The following LY96 variants were observed in gnomAD, a reference collection of about 807,000 sequenced individuals.
LY96 encodes the protein myeloid differentiation protein-2.
LY96 carries 18 observed loss-of-function variants against 18.9 expected under a neutral mutation model. The observed-to-expected ratio is 0.95, with a 90% confidence interval of 0.66 to 1.41. The LOEUF (loss-of-function observed/expected upper bound fraction) is 1.41. Ranked by LOEUF, LY96 falls within the 40% of genes most tolerant of loss-of-function variation. The probability of loss-of-function intolerance (pLI) is 0.00; values close to 1 mark genes in which losing one functional copy is unlikely to be tolerated. For missense variants in LY96, 175 were observed against 182.4 expected, an observed-to-expected ratio of 0.96 and a Z score of 0.23; for synonymous variants, 66 against 62.6, an observed-to-expected ratio of 1.06 and a Z score of -0.26.
chr8:74,032,228 T>G (rs779328243), downstream of LY96, among the ~76,000 whole-genome samples: 2 of 152,234 alleles, frequency 1.3e-5, no homozygotes, highest in African/African-American at 4.8e-5. Context: ...TTTTGTAGAT[T>G]GGTATCATCA....
rs369815557 is a variant in LY96, at chr8:74,001,886, GTATTTCCAT to G, written c.113-2899_113-2891del. 3.6e-3 allele frequency among the ~76,000 whole-genome samples: 553 copies of G among 151,926 alleles called. 3 individuals carry two copies. Among genetic ancestry groups the G allele is most frequent in the African/African-American group, 0.012 (496 of 41,388 alleles). ...CTATTTCATTGGGCTTCTTGGATTT[GTATTTCCAT>G]TATTTCCATTTTCTTCCCTAGATTT... is the stretch of plus-strand genomic sequence containing the variant. On this transcript the variant is annotated intron_variant, in intron 1 of 4. Transcript: ENST00000284818.
At chr8:74,070,721 A>G in the LY96 span, among the ~76,000 whole-genome samples, 1 of 151,722 alleles carries the variant, frequency 6.6e-6, no homozygotes, top group Non-Finnish European at 1.5e-5. Flanking sequence ...CAGTTCTCCA[A>G]TGAGCCTTGC....
At chr8:74,057,064 G>T in the LY96 span, among the ~76,000 whole-genome samples, 2 of 152,154 alleles carry the variant, frequency 1.3e-5, no homozygotes, top group African/African-American at 4.8e-5. Flanking sequence ...AACAAAAATG[G>T]CAGGGATCAA....
At chr8:74,059,860 G>C in the LY96 span, among the ~76,000 whole-genome samples, 1 of 152,238 alleles carries the variant, frequency 6.6e-6, no homozygotes, top group African/African-American at 2.4e-5. Context: ...AACTTTGCTT[G>C]GGCGCAGTGG....
the LY96 span, among the ~76,000 whole-genome samples, chr8:74,039,228 A>AT: frequency 1.3e-5 from 2 of 152,094 alleles, no homozygotes; most frequent in African/African-American, 4.8e-5. Flanking sequence ...AAATTATTAG[A>AT]TTTTTTTCCT....
rs762568528 is a variant in LY96 at position 74,029,015 on chromosome 8, C to T, written c.444C>T (p.Cys148=). Residue 148 remains cysteine (C), a synonymous_variant, in exon 5 of 5, where the codon TGC becomes TGT. Coordinates refer to ENST00000284818, the MANE Select transcript of LY96 (RefSeq NM_015364.5). Reference sequence around the variant, plus strand: ...GGAGCCCAGAAGAAATGCTCTTTTGCTTGGAGTTTGTCATCCTACACCAAC... The same window carrying T: ...GGAGCCCAGAAGAAATGCTCTTTTGTTTGGAGTTTGTCATCCTACACCAAC... The part of the protein sequence containing the change: ...ISGSPEEMLF[C]LEFVILHQPN... The T allele has an allele frequency of 1.9e-6, 3 of 1,611,920 alleles. No individual in the cohort carries two copies. Among genetic ancestry groups the T allele is most frequent in the East Asian group, 2.2e-5 (1 of 44,806 alleles).
Position 73,999,122 on chromosome 8 carries a change from C to T in LY96, c.113-5674C>T, listed in dbSNP as rs916375194. Reference sequence around the variant, plus strand: ...AGTAGCTGGGACGACAGGCACCCGCCACCACACCCGGCTAATTTTTTATTT... The same window carrying T: ...AGTAGCTGGGACGACAGGCACCCGCTACCACACCCGGCTAATTTTTTATTT... On this transcript the variant is annotated intron_variant, in intron 1 of 4. Coordinates refer to ENST00000284818, the MANE Select transcript of LY96 (RefSeq NM_015364.5). Among the ~76,000 whole-genome samples, 6 of 151,982 alleles carry T rather than the reference C, an allele frequency of 3.9e-5. 1 individual carries two copies. Among genetic ancestry groups the T allele is most frequent in the Middle Eastern group, 6.3e-3 (2 of 316 alleles).
At chr8:74,001,516 C>T (rs952948705) in intron 1 of LY96, among the ~76,000 whole-genome samples, 1 of 152,084 alleles carries the variant, frequency 6.6e-6, no homozygotes, top group South Asian at 2.1e-4. Flanking sequence ...AGGCATGAGC[C>T]AGCACACTTG....
the LY96 span, among the ~76,000 whole-genome samples, chr8:74,047,669 T>C: frequency 2.0e-5 from 3 of 152,336 alleles, no homozygotes; most frequent in East Asian, 3.9e-4. Context: ...CCACTAATTG[T>C]GTGCCTAGAG....
the LY96 span, among the ~76,000 whole-genome samples, chr8:74,057,110 A>G: frequency 6.6e-6 from 1 of 152,222 alleles, no homozygotes. Flanking sequence ...GCTGTCTTGG[A>G]AAACACATGA....
chr8:74,055,383 A>G, the LY96 span, among the ~76,000 whole-genome samples: 4 of 152,160 alleles, frequency 2.6e-5, no homozygotes, highest in East Asian at 7.7e-4. Flanking sequence ...TAAAAATTTC[A>G]TGACCTTGGG....
the LY96 span, among the ~76,000 whole-genome samples, chr8:74,069,748 AC>A: frequency 6.6e-6 from 1 of 151,708 alleles, no homozygotes; most frequent in South Asian, 2.1e-4. Context: ...GATTACAGGA[AC>A]CCACCATCAT....
Position 74,002,077 on chromosome 8 carries a change from T to C in LY96, c.113-2719T>C, listed in dbSNP as rs1333836549. On this transcript the variant is annotated intron_variant, in intron 1 of 4. Coordinates refer to ENST00000284818, the MANE Select transcript of LY96 (RefSeq NM_015364.5). ...TTCCTTCCTTCCTTCCTTCCTTCCTTTCTTTCTTTCTTTCTTTCTCTCTCT... is the reference window on the plus strand; with the variant it reads ...TTCCTTCCTTCCTTCCTTCCTTCCTCTCTTTCTTTCTTTCTTTCTCTCTCT... 6.9e-4 allele frequency among the ~76,000 whole-genome samples: 15 copies of C among 21,638 alleles called. 3 individuals are homozygous for C. Among genetic ancestry groups the C allele is most frequent in the African/African-American group, 1.2e-3 (4 of 3,410 alleles). The allele number at this position is 21,638 out of a possible 152,430, so 14.2% of individuals were successfully genotyped here.
chr8:74,083,720 TTGC>T, the LY96 span, among the ~76,000 whole-genome samples: 14 of 152,282 alleles, frequency 9.2e-5, no homozygotes, highest in African/African-American at 3.4e-4. Flanking sequence ...AGACAAGGTC[TTGC>T]TGTGTCACCC....
chr8:74,074,561 C>T, the LY96 span, among the ~76,000 whole-genome samples: 1 of 151,988 alleles, frequency 6.6e-6, no homozygotes, highest in Non-Finnish European at 1.5e-5. Flanking sequence ...TTTCTACTTG[C>T]TTAAGATGCA....
rs769486840 is a variant in LY96 at position 74,029,007 on chromosome 8, C to T, written c.436C>T (p.Leu146Phe). The change falls in exon 5 of 5, where the codon CTC (leucine) becomes TTC (phenylalanine). Residue 146 changes from leucine to phenylalanine, a missense_variant. Coordinates refer to ENST00000284818, the MANE Select transcript of LY96 (RefSeq NM_015364.5). Reference protein sequence around the residue: ...EAISGSPEEMLFCLEFVILHQ... With the variant: ...EAISGSPEEMFFCLEFVILHQ... ...TATTTCTGGGAGCCCAGAAGAAATG[C>T]TCTTTTGCTTGGAGTTTGTCATCCT... is the stretch of plus-strand genomic sequence containing the variant. The T allele has an allele frequency of 1.2e-6, 2 of 1,612,346 alleles. No individual in the cohort carries two copies. Among genetic ancestry groups the T allele is most frequent in the East Asian group, 2.2e-5 (1 of 44,812 alleles).
the LY96 span, among the ~76,000 whole-genome samples, chr8:74,082,600 A>G: frequency 5.9e-5 from 9 of 152,366 alleles, no homozygotes; most frequent in South Asian, 1.7e-3. Context: ...TCGTAGGTTC[A>G]TAGCTGAGGC....
At position 73,994,913 on chromosome 8, in the gene LY96, G is replaced by C. The variant is rs544015859; in HGVS notation, c.112+3359G>C. Among the ~76,000 whole-genome samples, 2 of 152,216 alleles carry C rather than the reference G, an allele frequency of 1.3e-5. 1 individual carries two copies. Among genetic ancestry groups the C allele is most frequent in the African/African-American group, 4.8e-5 (2 of 41,524 alleles). On this transcript the variant is annotated intron_variant, in intron 1 of 4. Coordinates refer to ENST00000284818, the MANE Select transcript of LY96 (RefSeq NM_015364.5). ...CAAGATCAAGGTGTCTGCATAATTG[G>C]GTTCTCCTGAGGCCTCTCTCCTTGG...
chr8:74,033,734 T>C (rs1817005994), downstream of LY96, among the ~76,000 whole-genome samples: 1 of 152,226 alleles, frequency 6.6e-6, no homozygotes, highest in African/African-American at 2.4e-5. Flanking sequence ...GAATTATTTA[T>C]TGTTTAGAGC....
Sources: gnomAD v4.1 joint callset for allele counts (sites outside exome capture counted in the v4.1 genomes callset) on GRCh38, gnomAD v4.1.1 for gene constraint, MANE v1.5 for transcripts, NCBI Gene and HGNC (gene_info 2026-07-23, HGNC 2026-07-21) for gene names.